Variants in CENPE observed in about 807,000 individuals in gnomAD.
The protein encoded by CENPE is centromere protein E.
Under a neutral mutation model 336.1 loss-of-function variants are expected in CENPE, and 145 were observed. That is an observed-to-expected ratio of 0.43 (90% CI 0.38 to 0.50). The LOEUF is 0.50. Ranked by LOEUF, CENPE falls within the 20% of genes least tolerant of loss-of-function variation. The pLI is 0.00. For missense variants in CENPE, 2,719 were observed against 3,023.3 expected (o/e 0.90, Z 2.36); for synonymous variants, 1,013 against 984.8 (o/e 1.03, Z -0.54).
intron 16 of CENPE, among the ~76,000 whole-genome samples, chr4:103,170,336 A>T (rs1755298304): frequency 6.6e-6 from 1 of 152,226 alleles, no homozygotes; most frequent in Admixed American, 6.5e-5. Flanking sequence ...GAGGGAGTGC[A>T]ATGATATAGT....
chr4:103,108,983 C>T lies in CENPE; in HGVS notation c.7831G>A (p.Val2611Met), dbSNP rs150817909. The stretch of plus-strand genomic sequence containing the variant: ...TTCTTTTTAGAAGCTGTTCCAGTCA[C>T]TTTAGGAGACTTTGGAGAATTCTCA... ...TCENSPKSPKVTGTASKKKQI... is the reference protein window; with the variant it reads ...TCENSPKSPKMTGTASKKKQI... Residue 2611 changes from valine to methionine, a missense_variant, in exon 48 of 49, where the codon GTG (valine) becomes ATG (methionine). By Grantham distance (21) the Val-to-Met change is conservative. Coordinates refer to ENST00000265148, the MANE Select transcript of CENPE (RefSeq NM_001813.3). 6.2e-6 allele frequency: 10 copies of T among 1,613,674 alleles called. No individual in the cohort carries two copies. The highest frequency in any genetic ancestry group is 7.6e-6 in the Non-Finnish European group (9 of 1,179,822).
chr4:103,161,994 T>A (rs991456071), intron 18 of CENPE, among the ~76,000 whole-genome samples: 3 of 152,150 alleles, frequency 2.0e-5, no homozygotes, highest in Non-Finnish European at 4.4e-5. Context: ...CTTTAGCTTA[T>A]ATGAAATCAA....
chr4:103,147,438 C>G lies in CENPE; in HGVS notation c.4052G>C (p.Arg1351Thr), dbSNP rs765291536. Residue 1351 changes from arginine (R) to threonine (T), a missense_variant, in exon 29 of 49, where the codon AGA (arginine) becomes ACA (threonine). Physicochemically the swap from Arg to Thr is moderately conservative, Grantham distance 71 (BLOSUM62 -1). Transcript: ENST00000265148. ...QEEIKSLTKE[R>T]DNLKTIKEAL... is the part of the protein sequence containing the mutation. ...TTCTTTTATCGTTTTAAGGTTGTCTCTTTCCTTGGTTAGAGATTTTATCTC... is the reference window on the plus strand; with the variant it reads ...TTCTTTTATCGTTTTAAGGTTGTCTGTTTCCTTGGTTAGAGATTTTATCTC... The G allele has an allele frequency of 5.0e-6, 8 of 1,613,912 alleles. No homozygotes were observed. The highest frequency in any genetic ancestry group is 6.8e-6 in the Non-Finnish European group (8 of 1,179,996).
intron 43 of CENPE, 75 bp from the exon 44 acceptor site, chr4:103,120,408 G>T: frequency 8.1e-7 from 1 of 1,239,230 alleles, no homozygotes; most frequent in Non-Finnish European, 1.1e-6. Context: ...AGACAGAGAT[G>T]ATCATATTTA....
chr4:103,178,744 C>T (rs750075359), intron 13 of CENPE, among the ~76,000 whole-genome samples: 1 of 152,158 alleles, frequency 6.6e-6, no homozygotes, highest in Non-Finnish European at 1.5e-5. Context: ...ATTCTCTCCC[C>T]TTAGCTACCA....
rs772288088 is a variant in CENPE, at chr4:103,145,097, T to C, written c.4810A>G (p.Ile1604Val). 2.1e-5 allele frequency: 33 copies of C among 1,590,090 alleles called. No homozygotes were observed. Among genetic ancestry groups the C allele is most frequent in the Non-Finnish European group, 2.8e-5 (33 of 1,170,522 alleles). Residue 1604 changes from isoleucine (I) to valine (V), a missense_variant, in exon 32 of 49, where the codon ATA (isoleucine) becomes GTA (valine). By Grantham distance (29) the Ile-to-Val change is conservative (BLOSUM62 3). Around this residue, in one of 5 missense-constraint regions of CENPE, gnomAD observed 2,437 missense variants for 2,513.3 expected, o/e 0.97. Transcript: ENST00000265148. ...EMKRVQEALQ[I>V]ERDQLKENTK... ...TTTTCTTTCAGTTGGTCTCTCTCTA[T>C]CTGAAGGGCCTCCTGTACTCTTTTC... is the stretch of plus-strand genomic sequence containing the variant.
chr4:103,182,041 T>C (rs17283194), intron 11 of CENPE: 25,580 of 152,154 alleles, frequency 0.17, 2,279 homozygotes, highest in South Asian at 0.31. Context: ...GAATCCTTCA[T>C]TGAGAAAGCT....
chr4:103,138,177 G>C (rs1190482768), intron 39 of CENPE, among the ~76,000 whole-genome samples, 174 bp downstream of exon 39: 5 of 152,078 alleles, frequency 3.3e-5, no homozygotes, highest in Non-Finnish European at 5.9e-5. Flanking sequence ...ATTGTTGTTT[G>C]TGTATGTGTG....
intron 13 of CENPE, among the ~76,000 whole-genome samples, chr4:103,177,605 G>T (rs1755982730): frequency 6.6e-6 from 1 of 151,890 alleles, no homozygotes; most frequent in Non-Finnish European, 1.5e-5. Context: ...AGATGAGTTG[G>T]GTGCCCAACA....
chr4:103,126,925 G>T (rs1353429529), intron 42 of CENPE, among the ~76,000 whole-genome samples: 1 of 151,804 alleles, frequency 6.6e-6, no homozygotes, highest in Admixed American at 6.6e-5. Flanking sequence ...CATCCTAGAA[G>T]TGTGCAGTAA....
chr4:103,171,157 T>C (rs1303991988), intron 16 of CENPE, among the ~76,000 whole-genome samples: 1 of 152,116 alleles, frequency 6.6e-6, no homozygotes, highest in Non-Finnish European at 1.5e-5. Context: ...AGATTTAAAC[T>C]GCAGTCTAGA....
intron 41 of CENPE, 60 bp from the exon 42 acceptor site, chr4:103,132,956 TTATTTATATA>T (rs1751722088): frequency 1.3e-5 from 2 of 159,586 alleles, no homozygotes; most frequent in African/African-American, 7.6e-5. Flanking sequence ...TCCAAATATT[TTATTTATATA>T]TATATATATA....
At chr4:103,180,861 C>T (rs1756270113) in intron 12 of CENPE, among the ~76,000 whole-genome samples, 3 of 152,014 alleles carry the variant, frequency 2.0e-5, no homozygotes, top group African/African-American at 4.8e-5. Flanking sequence ...TAAAAAAGAT[C>T]CTTAATGCGT....
At chr4:103,185,142 T>G (rs1756655856) in intron 9 of CENPE, among the ~76,000 whole-genome samples, 1 of 151,912 alleles carries the variant, frequency 6.6e-6, no homozygotes. Context: ...CTGTCTCTAC[T>G]AAAAATACAA....
chr4:103,132,391 C>T (rs1487841939), intron 42 of CENPE, among the ~76,000 whole-genome samples: 4 of 151,970 alleles, frequency 2.6e-5, no homozygotes, highest in African/African-American at 9.7e-5. Context: ...TAAGGCTACT[C>T]GTGGAAAAGG....
chr4:103,180,228 A>G, intron 13 of CENPE, 83 bp downstream of exon 13: 2 of 1,221,472 alleles, frequency 1.6e-6, no homozygotes, highest in Middle Eastern at 2.7e-4. Flanking sequence ...AAGGATAGAA[A>G]GTGCATACTA....
rs1441764384 is a variant in CENPE at position 103,123,059 on chromosome 4, C to T, written c.6955G>A (p.Glu2319Lys). The T allele has an allele frequency of 3.7e-6, 6 of 1,613,836 alleles. No individual in the cohort carries two copies. Among genetic ancestry groups the T allele is most frequent in the Non-Finnish European group, 5.1e-6 (6 of 1,179,828 alleles). Residue 2319 changes from glutamate to lysine, a missense_variant, in exon 43 of 49, where the codon GAA becomes AAA. This residue lies in a region of CENPE where 2,437 missense variants were observed against 2,513.3 expected (regional missense o/e 0.97). Coordinates refer to ENST00000265148, the MANE Select transcript of CENPE (RefSeq NM_001813.3). ...AIMNESTEFE[E>K]RSATISKEWE... ...TCTTTGGATATGGTAGCACTTCTTT[C>T]CTCAAACTCTGTTGATTCATTCATT... is the stretch of plus-strand genomic sequence containing the variant.
rs767852909 is a variant in CENPE at position 103,139,811 on chromosome 4, G to C, written c.6182C>G (p.Thr2061Ser). ...LKMERDQFIA[T>S]LREMIARDRQ... ...CACTCTAGCTATCATTTCCCTTAAG[G>C]TTGCTATGAATTGGTCCCTTTCCAT... Residue 2061 changes from threonine (T) to serine (S), a missense_variant, in exon 38 of 49, where the codon ACC becomes AGC. Thr to Ser is a moderately conservative substitution (Grantham distance 58). Around this residue, in one of 5 missense-constraint regions of CENPE, gnomAD observed 2,437 missense variants for 2,513.3 expected, o/e 0.97. Coordinates refer to ENST00000265148, the MANE Select transcript of CENPE (RefSeq NM_001813.3). 6.2e-7 allele frequency: 1 copy of C among 1,610,004 alleles called. No individual in the cohort carries two copies. Among genetic ancestry groups the C allele is most frequent in the African/African-American group, 1.3e-5 (1 of 74,574 alleles).
intron 14 of CENPE, 146 bp downstream of exon 14, chr4:103,176,753 T>C: frequency 1.6e-6 from 1 of 610,272 alleles, no homozygotes; most frequent in Middle Eastern, 4.9e-4. Flanking sequence ...GAATTACTTA[T>C]TTTAAATCAT....
Sources: allele counts gnomAD v4.1 joint callset (sites outside exome capture counted in the v4.1 genomes callset), GRCh38; gene constraint gnomAD v4.1.1; regional missense constraint gnomAD v4.1.1; transcripts MANE v1.5; gene names NCBI Gene and HGNC (gene_info 2026-07-23, HGNC 2026-07-21).